The following RUVBL2 variants were observed in gnomAD, a reference collection of about 807,000 sequenced individuals.
The protein encoded by RUVBL2 is ruvB-like 2.
A neutral mutation model predicts 57.9 loss-of-function variants in RUVBL2; 9 were observed. The ratio of observed to expected loss-of-function variants is 0.16; its 90% confidence interval spans 0.09 to 0.27. RUVBL2 has a LOEUF of 0.27. Ranked by LOEUF, RUVBL2 falls within the 10% of genes least tolerant of loss-of-function variation. The pLI, the probability that RUVBL2 is intolerant of heterozygous loss-of-function variation, is 1.00. For synonymous variants in RUVBL2, 278 were observed against 264.6 expected, an observed-to-expected ratio of 1.05 and a Z score of -0.49; for missense variants, 456 against 669.6, an observed-to-expected ratio of 0.68 and a Z score of 3.52.
At chr19:49,009,489 A>C (rs1194668307) in intron 6 of RUVBL2, among the ~76,000 whole-genome samples, 1 of 152,236 alleles carries the variant, frequency 6.6e-6, no homozygotes, top group East Asian at 1.9e-4. Flanking sequence ...TCCGTCTCAA[A>C]AAAAAAAAGA....
intron 11 of RUVBL2, among the ~76,000 whole-genome samples, chr19:49,012,333 C>T (rs1482066083): frequency 6.6e-6 from 1 of 152,206 alleles, no homozygotes; most frequent in Non-Finnish European, 1.5e-5. Context: ...GATATCACCT[C>T]AGCCCCATTT....
chr19:48,997,117 A>G (rs1206316446), intron 1 of RUVBL2, among the ~76,000 whole-genome samples: 2 of 152,050 alleles, frequency 1.3e-5, no homozygotes, highest in African/African-American at 2.4e-5. Context: ...TCGTCACCCC[A>G]AAAAGAAACC....
At chr19:49,002,250 A>G (rs149662344) in intron 2 of RUVBL2, among the ~76,000 whole-genome samples, 3,304 of 151,916 alleles carry the variant, frequency 0.022, 119 homozygotes, top group African/African-American at 0.075. Context: ...GGGTTTCACC[A>G]TGTTGGCCAG....
Position 49,003,322 on chromosome 19 carries a change from G to A in RUVBL2, c.111G>A (p.Leu37=). Residue 37 remains leucine, a synonymous_variant, in exon 3 of 15, where the codon TTG becomes TTA. Transcript: ENST00000595090. Reference sequence around the variant, plus strand: ...GGGGACTGGGGCTGGACGATGCCTTGGAGCCTCGGCAGGTAGAGCAGAGGA... The same window carrying A: ...GGGGACTGGGGCTGGACGATGCCTTAGAGCCTCGGCAGGTAGAGCAGAGGA... The part of the protein sequence containing the change: ...HIRGLGLDDA[L]EPRQASQGMV... 3 of 1,614,024 alleles carry A rather than the reference G, an allele frequency of 1.9e-6. No homozygotes were observed. The South Asian group carries it at 3.3e-5, about 18-fold the overall frequency.
chr19:49,010,078 A>G lies in RUVBL2; in HGVS notation c.663+12A>G, dbSNP rs762638552. ...CTATGGGCTCCCAGGTGCGGCCGGG[A>G]CTCCCGGGATCCCCTCGCCCCCAGC... is the stretch of plus-strand genomic sequence containing the variant. On this transcript the variant is annotated intron_variant, in intron 8 of 14. Transcript: ENST00000595090. 1 of 1,605,280 alleles carries G rather than the reference A, an allele frequency of 6.2e-7. No homozygotes were observed. The highest frequency in any genetic ancestry group is 1.1e-5 in the South Asian group (1 of 90,294).
chr19:49,008,493 G>T (rs1045108565), intron 6 of RUVBL2, among the ~76,000 whole-genome samples: 3 of 150,114 alleles, frequency 2.0e-5, no homozygotes, highest in East Asian at 2.0e-4. Context: ...CTCCCAAAGT[G>T]CTGGGATTAC....
upstream of RUVBL2, chr19:48,993,856 A>G: frequency 3.1e-6 from 5 of 1,609,760 alleles, no homozygotes; most frequent in Non-Finnish European, 4.3e-6. Flanking sequence ...GAGCCAGAAC[A>G]TCTCGCTCCT....
chr19:49,009,782 A>C lies in RUVBL2; in HGVS notation c.469A>C (p.Lys157Gln). 6.2e-7 allele frequency: 1 copy of C among 1,613,944 alleles called. No homozygotes were observed. Among genetic ancestry groups the C allele is most frequent in the Non-Finnish European group, 8.5e-7 (1 of 1,179,916 alleles). The change falls in exon 7 of 15, where the codon AAG becomes CAG. Residue 157 changes from lysine (K) to glutamine (Q), a missense_variant. By Grantham distance (53) the Lys-to-Gln change is moderately conservative. This residue lies in a region of RUVBL2 where 233 missense variants were observed against 306.0 expected (regional missense o/e 0.76). Transcript: ENST00000595090. ...IDRPATGTGS[K>Q]VGKLTLKTTE... ...GGCTTGTCCCCACTCTCAGGGCTCC[A>C]AGGTGGGCAAACTGACCCTCAAGAC...
At chr19:49,014,097 C>T (rs2039491447) in intron 11 of RUVBL2, among the ~76,000 whole-genome samples, 1 of 152,252 alleles carries the variant, frequency 6.6e-6, no homozygotes, top group African/African-American at 2.4e-5. Context: ...TAGAACCTCA[C>T]TACTGTGAAT....
intron 4 of RUVBL2, among the ~76,000 whole-genome samples, chr19:49,005,205 C>T (rs1426436578): frequency 6.6e-6 from 1 of 152,244 alleles, no homozygotes; most frequent in Non-Finnish European, 1.5e-5. Flanking sequence ...TTCCCACTCA[C>T]TCCCACCTCT....
At chr19:49,003,007 T>TA (rs2039214170) in intron 2 of RUVBL2, among the ~76,000 whole-genome samples, 1 of 152,210 alleles carries the variant, frequency 6.6e-6, no homozygotes, top group Non-Finnish European at 1.5e-5. Flanking sequence ...TTAGTACAAT[T>TA]ATGTGCTTAA....
At chr19:48,998,749 C>G (rs997796347) in intron 1 of RUVBL2, among the ~76,000 whole-genome samples, 36 of 150,256 alleles carry the variant, frequency 2.4e-4, no homozygotes, top group African/African-American at 8.3e-4. Context: ...AGGACTTAGC[C>G]GGGCACAGTG....
At chr19:48,993,576 GGTGGGATAAAGAGGAAAGGAGC>G (rs1176548247), upstream of RUVBL2, 1 of 495,084 alleles carries the variant, frequency 2.0e-6, no homozygotes, top group African/African-American at 1.9e-5. Context: ...GGAGGAGGAG[GGTGGGATAAAGAGGAAAGGAGC>G]GTGGAGGACG....
At position 49,010,423 on chromosome 19, in the gene RUVBL2, AG is replaced by A. The variant is rs933607427; in HGVS notation, c.664-61del. 13 of 1,530,210 alleles carry A rather than the reference AG, an allele frequency of 8.5e-6. No homozygotes were observed. The African/African-American group carries it at 1.8e-4, about 21-fold the overall frequency. The allele number at this position is 1,530,210 out of a possible 1,614,324, so 94.8% of individuals were successfully genotyped here. On this transcript the variant is annotated intron_variant, in intron 8 of 14. Coordinates refer to ENST00000595090, the MANE Select transcript of RUVBL2 (RefSeq NM_006666.3). Reference sequence around the variant, plus strand: ...CAGTCTCCCCCAGACAGAGGGCTTTAGGGGCCCCCTTCATGCCCTTCCCTGC... The same window carrying A: ...CAGTCTCCCCCAGACAGAGGGCTTTAGGGCCCCCTTCATGCCCTTCCCTGC...
intron 1 of RUVBL2, 31 bp downstream of exon 1, chr19:48,993,954 G>A (rs775352973): frequency 6.8e-6 from 11 of 1,613,448 alleles, no homozygotes; most frequent in South Asian, 5.5e-5. Context: ...GGTGAGGAGC[G>A]AGCTAGCAGT....
chr19:49,013,969 T>TTA, intron 11 of RUVBL2, among the ~76,000 whole-genome samples: 1 of 152,216 alleles, frequency 6.6e-6, no homozygotes, highest in East Asian at 1.9e-4. Flanking sequence ...TAGACCCAGA[T>TTA]TATATATATA....
chr19:49,010,676 C>T (rs1008538131), intron 9 of RUVBL2, 65 bp downstream of exon 9: 2 of 1,596,616 alleles, frequency 1.3e-6, no homozygotes, highest in Non-Finnish European at 1.7e-6. Flanking sequence ...CCTCGGGCTC[C>T]CTCTGTTCCT....
intron 4 of RUVBL2, among the ~76,000 whole-genome samples, chr19:49,005,002 G>A (rs1368142214): frequency 6.6e-6 from 1 of 151,858 alleles, no homozygotes; most frequent in African/African-American, 2.4e-5. Context: ...AGAAAATGAG[G>A]GTTCTAGAAC....
chr19:49,006,279 C>CA (rs2039280010), intron 4 of RUVBL2, among the ~76,000 whole-genome samples: 1 of 152,270 alleles, frequency 6.6e-6, no homozygotes, highest in South Asian at 2.1e-4. Context: ...CACATTGGAC[C>CA]AAACCTTGTG....
Sources: gnomAD v4.1 joint callset for allele counts (sites outside exome capture counted in the v4.1 genomes callset) on GRCh38, gnomAD v4.1.1 for gene constraint, gnomAD v4.1.1 regional missense constraint, MANE v1.5 for transcripts, NCBI Gene and HGNC (gene_info 2026-07-23, HGNC 2026-07-21) for gene names.